CHODL: variants seen among roughly 807,000 people sequenced by gnomAD.
The protein encoded by CHODL is chondrolectin.
A neutral mutation model predicts 34.5 loss-of-function variants in CHODL; 29 were observed. That is an observed-to-expected ratio of 0.84 (90% CI 0.63 to 1.15). The LOEUF is 1.15. CHODL is among the 50% of genes most tolerant of loss of function. The probability of loss-of-function intolerance (pLI) is 0.00; values close to 1 mark genes in which losing one functional copy is unlikely to be tolerated. For missense variants in CHODL, 332 were observed against 332.5 expected (o/e 1.00, Z 0.01); for synonymous variants, 125 against 116.1 (o/e 1.08, Z -0.49).
At chr21:18,240,979 T>C (rs2074076442), upstream of CHODL, among the ~76,000 whole-genome samples, 1 of 152,194 alleles carries the variant, frequency 6.6e-6, no homozygotes, top group African/African-American at 2.4e-5. Context: ...AACAATGAAA[T>C]TCCCCTAGAC....
chr21:18,180,602 T>C (rs2073370623), intron 2 of CHODL, among the ~76,000 whole-genome samples: 1 of 152,216 alleles, frequency 6.6e-6, no homozygotes, highest in African/African-American at 2.4e-5. Flanking sequence ...CAATATTATC[T>C]CAGAAGGACT....
intron 2 of CHODL, among the ~76,000 whole-genome samples, chr21:18,147,079 C>G (rs1229522666): frequency 6.6e-6 from 1 of 152,130 alleles, no homozygotes. Context: ...GGAAAAGAGT[C>G]TTAATATTTT....
intron 2 of CHODL, among the ~76,000 whole-genome samples, chr21:18,049,690 G>C (rs1160011656): frequency 6.6e-6 from 1 of 151,914 alleles, no homozygotes; most frequent in African/African-American, 2.4e-5. Context: ...TGCTCTGTGT[G>C]CTCTCATCCC....
intron 2 of CHODL, among the ~76,000 whole-genome samples, chr21:18,221,788 C>A (rs1190537834): frequency 6.6e-6 from 1 of 152,210 alleles, no homozygotes; most frequent in African/African-American, 2.4e-5. Context: ...TTAGTGGTGG[C>A]AGGCCCCTGT....
chr21:18,252,590 G>A (rs2074270989), intron 1 of CHODL, among the ~76,000 whole-genome samples: 1 of 152,080 alleles, frequency 6.6e-6, no homozygotes, highest in African/African-American at 2.4e-5. Flanking sequence ...AAATTTGCAC[G>A]ATAAGGTGGA....
chr21:18,098,234 T>C (rs577989966), intron 2 of CHODL, among the ~76,000 whole-genome samples: 1 of 152,016 alleles, frequency 6.6e-6, no homozygotes, highest in African/African-American at 2.4e-5. Flanking sequence ...TTAAAAAGCT[T>C]TTTTAGAGCA....
Position 18,257,003 on chromosome 21 carries a change from T to A in CHODL, c.423T>A (p.Ser141Arg). The change falls in exon 3 of 6, where the codon AGT becomes AGA. Residue 141 changes from serine (S) to arginine (R), a missense_variant. Transcript: ENST00000299295. ...NWYTDEPSCG[S>R]EKCVVMYHQP... ...ACACAGATGAACCTTCCTGCGGAAGTGAAAAGTGTGTTGTGATGTATCACC... is the reference window on the plus strand; with the variant it reads ...ACACAGATGAACCTTCCTGCGGAAGAGAAAAGTGTGTTGTGATGTATCACC... The A allele has an allele frequency of 1.2e-6, 2 of 1,613,796 alleles. No individual in the cohort carries two copies. Among genetic ancestry groups the A allele is most frequent in the East Asian group, 4.5e-5 (2 of 44,868 alleles).
At chr21:17,948,815 C>G (rs181188421) in intron 1 of CHODL, among the ~76,000 whole-genome samples, 1 of 152,036 alleles carries the variant, frequency 6.6e-6, no homozygotes, top group Non-Finnish European at 1.5e-5. Flanking sequence ...CTGCTGAATT[C>G]TAATAAACAT....
At chr21:18,194,315 C>A (rs1234354168) in intron 2 of CHODL, among the ~76,000 whole-genome samples, 2 of 152,126 alleles carry the variant, frequency 1.3e-5, no homozygotes, top group African/African-American at 4.8e-5. Context: ...CTGTAATCAG[C>A]CCCCTGCCCA....
intron 1 of CHODL, among the ~76,000 whole-genome samples, chr21:17,959,156 A>G (rs969103726): frequency 1.3e-5 from 2 of 152,174 alleles, no homozygotes; most frequent in African/African-American, 4.8e-5. Flanking sequence ...TATGTGCTAC[A>G]AAATATTTCT....
intron 1 of CHODL, among the ~76,000 whole-genome samples, chr21:17,950,092 T>A (rs197583): frequency 6.6e-6 from 1 of 151,932 alleles, no homozygotes; most frequent in Non-Finnish European, 1.5e-5. Context: ...CTTCATTCTG[T>A]CTTTGCCACA....
intron 2 of CHODL, among the ~76,000 whole-genome samples, chr21:18,121,209 G>C (rs966076985): frequency 6.6e-6 from 1 of 152,062 alleles, no homozygotes; most frequent in Non-Finnish European, 1.5e-5. Flanking sequence ...CCAATCTTTT[G>C]ACTTCCCTGG....
At chr21:18,240,971 C>T (rs1433946576), upstream of CHODL, among the ~76,000 whole-genome samples, 1 of 152,046 alleles carries the variant, frequency 6.6e-6, no homozygotes, top group Non-Finnish European at 1.5e-5. Flanking sequence ...TCGTTATGAA[C>T]AATGAAATTC....
intron 2 of CHODL, among the ~76,000 whole-genome samples, chr21:18,153,045 A>G (rs2072990635): frequency 6.6e-6 from 1 of 152,206 alleles, no homozygotes; most frequent in Admixed American, 6.5e-5. Flanking sequence ...TATCATTATG[A>G]TCAATACACT....
In CHODL at chr21:18,152,735, G is replaced by C. The variant is rs141952078; in HGVS notation, c.-44-103774G>C. Among the ~76,000 whole-genome samples, 390 of 152,280 alleles carry C rather than the reference G, an allele frequency of 2.6e-3. 1 individual carries two copies. The highest frequency in any genetic ancestry group is 8.8e-3 in the African/African-American group (366 of 41,566). On this transcript the variant is annotated intron_variant, in intron 2 of 6. Transcript: ENST00000400127. Reference sequence around the variant, plus strand: ...GAGAGCAGCTATCCCACCATGTTCAGATCCCTCAAGAAGAAGGATCGTTCA... The same window carrying C: ...GAGAGCAGCTATCCCACCATGTTCACATCCCTCAAGAAGAAGGATCGTTCA...
chr21:18,257,203 T>A, intron 3 of CHODL, 76 bp downstream of exon 3: 2 of 1,325,394 alleles, frequency 1.5e-6, no homozygotes, highest in South Asian at 1.4e-5. Flanking sequence ...TAATTTTGAC[T>A]ACCTGTGGCT....
At chr21:17,940,660 A>G (rs1025676606) in intron 1 of CHODL, among the ~76,000 whole-genome samples, 4 of 152,210 alleles carry the variant, frequency 2.6e-5, no homozygotes, top group African/African-American at 9.6e-5. Context: ...TATTTTATGC[A>G]CTTAAAACGT....
intron 1 of CHODL, among the ~76,000 whole-genome samples, chr21:18,009,933 A>G (rs1699467155): frequency 1.3e-5 from 2 of 150,650 alleles, no homozygotes. Flanking sequence ...AAGGCTGGAG[A>G]TATGGACACA....
At position 18,245,261 on chromosome 21, in the gene CHODL, T is replaced by A. The variant is rs1243713452; in HGVS notation, c.38T>A (p.Leu13Gln). Residue 13 changes from leucine to glutamine, a missense_variant, in exon 1 of 6, where the codon CTG becomes CAG. By Grantham distance (113) the Leu-to-Gln change is moderately radical. Coordinates refer to ENST00000299295, the MANE Select transcript of CHODL (RefSeq NM_024944.3). The part of the protein sequence containing the change: ...RVVSLLLGAA[L>Q]LCGHGAFCRR... ...GTCTCGCTGCTGCTGGGCGCCGCGC[T>A]GCTCTGCGGCCACGGAGCCTTCTGC... The A allele has an allele frequency of 3.3e-6, 5 of 1,524,114 alleles. No homozygotes were observed. The African/African-American group carries it at 5.6e-5, about 17-fold the overall frequency. The allele number at this position is 1,524,114 out of a possible 1,614,324, so 94.4% of individuals were successfully genotyped here.
Sources: allele counts gnomAD v4.1 joint callset (sites outside exome capture counted in the v4.1 genomes callset), GRCh38; gene constraint gnomAD v4.1.1; transcripts MANE v1.5; gene names NCBI Gene and HGNC (gene_info 2026-07-23, HGNC 2026-07-21).